The following CELF5 variants were observed in gnomAD, a reference collection of about 807,000 sequenced individuals.
CELF5 encodes the protein CUGBP Elav-like family member 5.
In CELF5, 6 loss-of-function variants were observed where a neutral mutation model predicts 54.9. The ratio of observed to expected loss-of-function variants is 0.11; its 90% CI spans 0.06 to 0.22. CELF5 has a LOEUF of 0.22. Ranked by LOEUF, CELF5 falls within the 10% of genes least tolerant of loss-of-function variation. CELF5 has a pLI of 1.00. For synonymous variants in CELF5, 271 were observed against 290.9 expected, an observed-to-expected ratio of 0.93 and a Z score of 0.70; for missense variants, 401 against 678.6, an observed-to-expected ratio of 0.59 and a Z score of 4.54.
rs777092249 is a variant in CELF5, at chr19:3,224,975, A to G, written c.236A>G (p.Asp79Gly). ...GRIYELTVLK[D>G]PYTGMHKGCA... ...ATCTACGAGCTCACGGTGCTCAAAG[A>G]CCCCTACACGGGGATGCACAAAGGT... is the stretch of plus-strand genomic sequence containing the variant. Residue 79 changes from aspartate (D) to glycine (G), a missense_variant, in exon 1 of 13, where the codon GAC becomes GGC. By Grantham distance (94) the Asp-to-Gly change is moderately conservative. Coordinates refer to ENST00000292672, the MANE Select transcript of CELF5 (RefSeq NM_021938.4). 1 of 1,596,646 alleles carries G rather than the reference A, an allele frequency of 6.3e-7. No homozygotes were observed. The highest frequency in any genetic ancestry group is 8.5e-7 in the Non-Finnish European group (1 of 1,172,630).
Position 3,264,564 on chromosome 19 carries a change from C to T in CELF5, c.343-9308C>T, listed in dbSNP as rs374941744. ...CCGAGTAGCTGGGACTACAGGCACC[C>T]GCCACCACGCCCGGCTAATGTTTTT... On this transcript the variant is annotated intron_variant, in intron 2 of 12. Transcript: ENST00000292672. 1.5e-4 allele frequency among the ~76,000 whole-genome samples: 22 copies of T among 151,518 alleles called. No homozygotes were observed. The East Asian group carries it at 1.9e-3, about 13-fold the overall frequency.
rs373243562 is a variant in CELF5 at position 3,278,156 on chromosome 19, G to A, written c.603+46G>A. 145 of 1,253,684 alleles carry A rather than the reference G, an allele frequency of 1.2e-4. 1 individual carries two copies. The Middle Eastern group carries it at 5.0e-3, about 44-fold the overall frequency. The allele number at this position is 1,253,684 out of a possible 1,614,324, so 77.7% of individuals were successfully genotyped here. On this transcript the variant is annotated intron_variant, in intron 5 of 12. Transcript: ENST00000292672. The surrounding 1 kb of genome is among the most constrained non-coding windows in gnomAD (Gnocchi z 4.5). The stretch of plus-strand genomic sequence containing the variant: ...GCCGTGGGGGTGGGGGTGGGAAAGG[G>A]GTGAGGGGGACAGGGATGAAACAGG...
chr19:3,277,954 T>A (rs984259243), intron 4 of CELF5, 77 bp from the exon 5 acceptor site: 2 of 1,093,196 alleles, frequency 1.8e-6, no homozygotes, highest in Non-Finnish European at 2.8e-6. Flanking sequence ...GGTCTCTGTG[T>A]CCCCTCTCCT....
rs1195549218 is a variant in CELF5, at chr19:3,281,761, G to A, written c.751-365G>A. Among the ~76,000 whole-genome samples the A allele has an allele frequency of 6.6e-6, 1 of 151,536 alleles. No homozygotes were observed. Among genetic ancestry groups the A allele is most frequent in the Non-Finnish European group, 1.5e-5 (1 of 67,884 alleles). On this transcript the variant is annotated intron_variant, in intron 6 of 12. Transcript: ENST00000292672. This position sits in a 1 kb window ranked among gnomAD's most constrained non-coding sequence, Gnocchi z 6.5. The stretch of plus-strand genomic sequence containing the variant: ...AATTTCTAACTAAACCCTCATCCTA[G>A]ATGGAGCCTTGATCTCAGTCTGAGC...
chr19:3,263,475 C>A (rs895880868), intron 2 of CELF5, among the ~76,000 whole-genome samples: 1 of 149,872 alleles, frequency 6.7e-6, no homozygotes, highest in Non-Finnish European at 1.5e-5. Context: ...GCACACGAAT[C>A]GCTTGAACCC....
At chr19:3,226,177 G>T (rs1428911819) in intron 1 of CELF5, among the ~76,000 whole-genome samples, 1 of 152,182 alleles carries the variant, frequency 6.6e-6, no homozygotes, top group Non-Finnish European at 1.5e-5. Context: ...CCTTGGGGAA[G>T]GACCGGGGCC....
intron 2 of CELF5, 64 bp downstream of exon 2, chr19:3,251,131 C>G: frequency 8.1e-7 from 1 of 1,237,794 alleles, no homozygotes; most frequent in East Asian, 2.3e-5. Flanking sequence ...GGGGTGGGAG[C>G]CAAGGCTCTT....
chr19:3,250,720 C>T (rs1326892348), intron 1 of CELF5, among the ~76,000 whole-genome samples: 1 of 152,184 alleles, frequency 6.6e-6, no homozygotes, highest in Non-Finnish European at 1.5e-5. Context: ...GGAGTGGAAT[C>T]ACACAGGATT....
intron 2 of CELF5, among the ~76,000 whole-genome samples, chr19:3,253,860 G>A (rs1462796863): frequency 6.6e-6 from 1 of 152,162 alleles, no homozygotes; most frequent in Non-Finnish European, 1.5e-5. Flanking sequence ...GTACATAGAT[G>A]GAGATTTACC....
At chr19:3,233,272 A>T (rs1917355903) in intron 1 of CELF5, among the ~76,000 whole-genome samples, 1 of 152,170 alleles carries the variant, frequency 6.6e-6, no homozygotes, top group Non-Finnish European at 1.5e-5. Context: ...TGGAAAACAG[A>T]TCTAAACCCT....
chr19:3,277,936 G>A (rs1304327747), intron 4 of CELF5, 95 bp from the exon 5 acceptor site: 3 of 875,558 alleles, frequency 3.4e-6, no homozygotes, highest in African/African-American at 1.6e-5. Context: ...TCTGACACTG[G>A]CCATGTAGGT....
At chr19:3,266,915 T>G (rs933794877) in intron 2 of CELF5, among the ~76,000 whole-genome samples, 2 of 152,166 alleles carry the variant, frequency 1.3e-5, no homozygotes, top group Non-Finnish European at 2.9e-5. Flanking sequence ...AGGTTCGCCC[T>G]GTGCTGGAAA....
chr19:3,227,591 G>A (rs759540457), intron 1 of CELF5, among the ~76,000 whole-genome samples: 1 of 152,064 alleles, frequency 6.6e-6, no homozygotes, highest in East Asian at 1.9e-4. Context: ...AGGTGCACCC[G>A]GCTCCTGGTA....
chr19:3,265,443 G>T (rs949655899), intron 2 of CELF5, among the ~76,000 whole-genome samples: 2 of 152,188 alleles, frequency 1.3e-5, no homozygotes, highest in African/African-American at 4.8e-5. Flanking sequence ...GCCACCCCAT[G>T]GGCAGTGAGC....
chr19:3,268,697 G>T lies in CELF5; in HGVS notation c.343-5175G>T, dbSNP rs1173770911. The stretch of plus-strand genomic sequence containing the variant: ...GGGTCACAAAGCCCAGTGCCCTTGT[G>T]CCCCTGCCTCCCACCGGAGCTACCC... On this transcript the variant is annotated intron_variant, in intron 2 of 12. Transcript: ENST00000292672. The surrounding 1 kb of genome is among the most constrained non-coding windows in gnomAD (Gnocchi z 4.4). 1.3e-5 allele frequency among the ~76,000 whole-genome samples: 2 copies of T among 152,126 alleles called. No individual in the cohort carries two copies. Among genetic ancestry groups the T allele is most frequent in the Non-Finnish European group, 2.9e-5 (2 of 68,018 alleles).
Position 3,281,985 on chromosome 19 carries a change from C to A in CELF5, c.751-141C>A. ...TCCCAGGCTGAGCCTTGATCCCAGTCTGAGCTCCAATTCTGATCTCAGCCT... is the reference window on the plus strand; with the variant it reads ...TCCCAGGCTGAGCCTTGATCCCAGTATGAGCTCCAATTCTGATCTCAGCCT... On this transcript the variant is annotated intron_variant, in intron 6 of 12. Coordinates refer to ENST00000292672, the MANE Select transcript of CELF5 (RefSeq NM_021938.4). The surrounding 1 kb of genome is among the most constrained non-coding windows in gnomAD (Gnocchi z 6.5). The A allele has an allele frequency of 1.1e-6, 1 of 910,684 alleles. No individual in the cohort carries two copies. Among genetic ancestry groups the A allele is most frequent in the Non-Finnish European group, 1.7e-6 (1 of 572,510 alleles). 56.4% of individuals were successfully genotyped at this position (910,684 alleles called of 1,614,324 possible). A position where few individuals can be genotyped will look rare whatever the true frequency, so the allele number is the denominator to read the frequency against.
intron 10 of CELF5, among the ~76,000 whole-genome samples, chr19:3,288,490 C>G (rs1320124496): frequency 6.6e-6 from 1 of 151,784 alleles, no homozygotes; most frequent in African/African-American, 2.4e-5. Context: ...CCATTGCACT[C>G]CAGCCTGGGC....
intron 12 of CELF5, chr19:3,296,469 G>GAAAAAAAAAAAAAAAAGAAAAAAA (rs1329387351): frequency 1.4e-5 from 1 of 73,710 alleles, no homozygotes; most frequent in Non-Finnish European, 2.8e-5. Context: ...AAAGAAAAAA[G>GAAAAAAAAAAAAAAAAGAAAAAAA]AAAAAAAAAT....
intron 1 of CELF5, among the ~76,000 whole-genome samples, chr19:3,245,449 T>G (rs1013605734): frequency 4.6e-5 from 7 of 151,410 alleles, no homozygotes; most frequent in Non-Finnish European, 7.4e-5. Context: ...TTCTTTCCCT[T>G]TCACTGCAGA....
Sources: allele counts gnomAD v4.1 joint callset (sites outside exome capture counted in the v4.1 genomes callset), GRCh38; gene constraint gnomAD v4.1.1; non-coding constraint Gnocchi (gnomAD v3.1); transcripts MANE v1.5; gene names NCBI Gene and HGNC (gene_info 2026-07-23, HGNC 2026-07-21).